Variants in MGAT4C observed in about 807,000 individuals in gnomAD.
MGAT4C encodes the protein MGAT4 family member C.
Under a neutral mutation model 40.1 loss-of-function variants are expected in MGAT4C, and 19 were observed. The observed-to-expected ratio is 0.47, with a 90% CI of 0.33 to 0.70. MGAT4C has a LOEUF of 0.70. MGAT4C is among the 30% of genes least tolerant of loss of function. MGAT4C has a pLI of 0.02. For missense variants in MGAT4C, 491 were observed against 563.2 expected, an observed-to-expected ratio of 0.87 and a Z score of 1.30; for synonymous variants, 181 against 187.1, an observed-to-expected ratio of 0.97 and a Z score of 0.27.
At chr12:86,096,155 T>C (rs1326360781) in intron 1 of MGAT4C, among the ~76,000 whole-genome samples, 1 of 151,768 alleles carries the variant, frequency 6.6e-6, no homozygotes, top group East Asian at 1.9e-4. Context: ...CAGTCTCTGT[T>C]TTCCTTATAA....
At position 85,959,160 on chromosome 12, in the gene MGAT4C, T is replaced by C. The variant is rs1882980902; in HGVS notation, c.*20129A>G. The C allele has an allele frequency of 6.6e-6, 1 of 152,092 alleles. No homozygotes were observed. The highest frequency in any genetic ancestry group is 1.5e-5 in the Non-Finnish European group (1 of 67,974). The allele number at this position is 152,092 out of a possible 1,614,324, so 9.4% of individuals were successfully genotyped here. A position where few individuals can be genotyped will look rare whatever the true frequency, so the allele number is the denominator to read the frequency against. ...ATAAAGTGGTGGAATAAAGATGGTA[T>C]TTTCCATAACTGTTTAATAATAATC... is the stretch of plus-strand genomic sequence containing the variant. On this transcript the variant is annotated 3_prime_UTR_variant, in exon 5 of 5. Transcript: ENST00000611864.
At chr12:86,702,156 A>C (rs1000486634) in intron 2 of MGAT4C, among the ~76,000 whole-genome samples, 3 of 151,812 alleles carry the variant, frequency 2.0e-5, no homozygotes, top group Non-Finnish European at 2.9e-5. Flanking sequence ...CAGTCACTCA[A>C]GTAGCTAGCT....
chr12:86,774,003 G>A (rs1333705092), intron 1 of MGAT4C, among the ~76,000 whole-genome samples: 1 of 117,302 alleles, frequency 8.5e-6, no homozygotes, highest in African/African-American at 3.3e-5. Context: ...ACCCAGGCTG[G>A]AATACACTGG....
chr12:86,186,092 G>C (rs1888722235), intron 1 of MGAT4C, among the ~76,000 whole-genome samples: 2 of 152,256 alleles, frequency 1.3e-5, no homozygotes, highest in South Asian at 4.1e-4. Context: ...TTATAGGAGA[G>C]AGAAGGATAC....
At chr12:86,371,543 T>C (rs1386905178) in intron 3 of MGAT4C, among the ~76,000 whole-genome samples, 1 of 152,034 alleles carries the variant, frequency 6.6e-6, no homozygotes, top group South Asian at 2.1e-4. Context: ...ACTGGCCTCA[T>C]GTGTTTTCAT....
chr12:86,155,090 T>G (rs1327142245), intron 1 of MGAT4C, among the ~76,000 whole-genome samples: 1 of 152,180 alleles, frequency 6.6e-6, no homozygotes, highest in East Asian at 1.9e-4. Context: ...TAGAAGATGA[T>G]CCTGGATGTG....
intron 1 of MGAT4C, among the ~76,000 whole-genome samples, chr12:86,177,741 A>G (rs969714190): frequency 3.3e-5 from 5 of 152,120 alleles, no homozygotes; most frequent in Admixed American, 2.6e-4. Context: ...CTAATATAAT[A>G]TATTTTCGAT....
intron 2 of MGAT4C, among the ~76,000 whole-genome samples, chr12:86,621,419 A>G (rs1962633183): frequency 6.6e-6 from 1 of 152,124 alleles, no homozygotes; most frequent in African/African-American, 2.4e-5. Flanking sequence ...AACTTACTAT[A>G]TTGAGAGTAT....
intron 2 of MGAT4C, among the ~76,000 whole-genome samples, chr12:86,535,382 G>C (rs910228622): frequency 6.6e-6 from 1 of 151,988 alleles, no homozygotes; most frequent in African/African-American, 2.4e-5. Flanking sequence ...TCAGAATAGA[G>C]TAATGCAATG....
At chr12:86,257,096 A>G (rs1405353438), upstream of MGAT4C, among the ~76,000 whole-genome samples, 4 of 152,190 alleles carry the variant, frequency 2.6e-5, no homozygotes, top group African/African-American at 9.6e-5. Context: ...TTTATAAGCC[A>G]CTGGAACTTC....
At chr12:86,491,925 G>T (rs1267881803) in intron 2 of MGAT4C, among the ~76,000 whole-genome samples, 1 of 152,056 alleles carries the variant, frequency 6.6e-6, no homozygotes, top group South Asian at 2.1e-4. Context: ...ATCTCCTTAA[G>T]CTGATAAGCA....
At chr12:86,224,809 T>C (rs952193913) in intron 1 of MGAT4C, among the ~76,000 whole-genome samples, 9 of 152,094 alleles carry the variant, frequency 5.9e-5, no homozygotes, top group Non-Finnish European at 1.3e-4. Context: ...GGAAAGTGTA[T>C]AGCAATATAT....
chr12:86,062,369 A>T (rs1894077596), intron 1 of MGAT4C, among the ~76,000 whole-genome samples: 1 of 152,158 alleles, frequency 6.6e-6, no homozygotes, highest in Admixed American at 6.5e-5. Flanking sequence ...ACCCCATCTG[A>T]AGATCACCAA....
intron 1 of MGAT4C, among the ~76,000 whole-genome samples, chr12:86,248,859 GA>G (rs1461918887): frequency 1.3e-5 from 2 of 152,092 alleles, no homozygotes; most frequent in Non-Finnish European, 2.9e-5. Context: ...GACAGCCTAA[GA>G]GACAGCTGTG....
chr12:86,694,031 G>C (rs1324321956), intron 2 of MGAT4C, among the ~76,000 whole-genome samples: 1 of 152,096 alleles, frequency 6.6e-6, no homozygotes, highest in Non-Finnish European at 1.5e-5. Flanking sequence ...AGCAAAATAA[G>C]GAGGAATACA....
At chr12:86,636,837 A>C (rs1963233492) in intron 2 of MGAT4C, among the ~76,000 whole-genome samples, 2 of 151,996 alleles carry the variant, frequency 1.3e-5, no homozygotes, top group Admixed American at 1.3e-4. Context: ...TTAAATTATC[A>C]AAGTAAATCA....
chr12:86,535,232 T>A (rs1959048910), intron 2 of MGAT4C, among the ~76,000 whole-genome samples: 1 of 152,242 alleles, frequency 6.6e-6, no homozygotes, highest in East Asian at 1.9e-4. Flanking sequence ...TGACCTAATT[T>A]AACTCAATTA....
chr12:86,033,676 T>G lies in MGAT4C; in HGVS notation c.-7+15998A>C, dbSNP rs1270618912. ...GGAAGAGACTATGGGGTTTTCTAGG[T>G]ATAAAATCATATTCTCTGCAAAAAC... On this transcript the variant is annotated intron_variant, in intron 2 of 4. Transcript: ENST00000611864. Among the ~76,000 whole-genome samples the G allele has an allele frequency of 2.7e-5, 4 of 149,600 alleles. 1 individual carries two copies. The highest frequency in any genetic ancestry group is 4.9e-5 in the African/African-American group (2 of 41,212).
intron 2 of MGAT4C, among the ~76,000 whole-genome samples, chr12:86,541,284 T>A (rs763969013): frequency 8.5e-5 from 13 of 152,178 alleles, no homozygotes; most frequent in South Asian, 2.1e-4. Flanking sequence ...GTTTTAGATA[T>A]CAAAATTACT....
Sources: gnomAD v4.1 joint callset for allele counts (sites outside exome capture counted in the v4.1 genomes callset) on GRCh38, gnomAD v4.1.1 for gene constraint, MANE v1.5 for transcripts, NCBI Gene and HGNC (gene_info 2026-07-23, HGNC 2026-07-21) for gene names.